GRID2: variants seen among roughly 807,000 people sequenced by gnomAD.
GRID2 encodes glutamate receptor ionotropic, delta-2.
A neutral mutation model predicts 114.8 loss-of-function variants in GRID2; 33 were observed. That is an observed-to-expected ratio of 0.29 (90% CI 0.22 to 0.38). GRID2 has a LOEUF of 0.38. GRID2 is among the 10% of genes least tolerant of loss of function. The pLI, the probability that GRID2 is intolerant of heterozygous loss-of-function variation, is 1.00. For missense variants in GRID2, 1,184 were observed against 1,257.7 expected (o/e 0.94, Z 0.89); for synonymous variants, 505 against 449.9 (o/e 1.12, Z -1.55).
At chr4:92,946,509 T>C (rs1751642479) in intron 2 of GRID2, among the ~76,000 whole-genome samples, 1 of 152,136 alleles carries the variant, frequency 6.6e-6, no homozygotes, top group Non-Finnish European at 1.5e-5. Context: ...AAAATTATAT[T>C]AATAACTTTT....
chr4:93,064,974 T>C (rs530560998), intron 2 of GRID2, among the ~76,000 whole-genome samples: 1 of 152,008 alleles, frequency 6.6e-6, no homozygotes, highest in East Asian at 1.9e-4. Flanking sequence ...TAAATGGAAA[T>C]GATACTCTTC....
At chr4:93,059,005 C>G (rs1727528203) in intron 2 of GRID2, among the ~76,000 whole-genome samples, 1 of 152,008 alleles carries the variant, frequency 6.6e-6, no homozygotes, top group Admixed American at 6.6e-5. Context: ...CACTTGATCA[C>G]ATAGTAGAAA....
intron 1 of GRID2, among the ~76,000 whole-genome samples, chr4:92,431,990 A>T: frequency 6.6e-6 from 1 of 152,230 alleles, no homozygotes; most frequent in East Asian, 1.9e-4. Context: ...ACTCTTGCAC[A>T]CTTGTAGAGA....
rs567052236 is a variant in GRID2, at chr4:92,475,741, A to C, written c.89-114390A>C. Among the ~76,000 whole-genome samples the C allele has an allele frequency of 3.2e-4, 49 of 152,018 alleles. 1 individual carries two copies. In the South Asian group the frequency reaches 6.0e-3, roughly 19 times the overall value. On this transcript the variant is annotated intron_variant, in intron 1 of 15. Transcript: ENST00000282020. ...GGGGGCGTTCATAGGCATTGCATTG[A>C]ATTTTTATATCACTTTGGGTATTAT...
intron 1 of GRID2, among the ~76,000 whole-genome samples, chr4:92,470,350 T>TC (rs1160673387): frequency 9.5e-6 from 1 of 104,754 alleles, no homozygotes; most frequent in Admixed American, 8.5e-5. Flanking sequence ...CACAAACATG[T>TC]TTTTTTTTAA....
intron 3 of GRID2, among the ~76,000 whole-genome samples, chr4:93,102,950 CAA>C (rs1731841373): frequency 6.6e-6 from 1 of 151,782 alleles, no homozygotes; most frequent in African/African-American, 2.4e-5. Flanking sequence ...TACATATCAT[CAA>C]AGCACCCTGA....
intron 1 of GRID2, among the ~76,000 whole-genome samples, chr4:92,326,329 G>T (rs1411883356): frequency 6.6e-6 from 1 of 151,770 alleles, no homozygotes; most frequent in Admixed American, 6.6e-5. Flanking sequence ...AATGAAAAAT[G>T]ACTTTTATTG....
chr4:93,117,647 C>T (rs543172947), intron 4 of GRID2, among the ~76,000 whole-genome samples: 1 of 152,094 alleles, frequency 6.6e-6, no homozygotes, highest in South Asian at 2.1e-4. Context: ...TATTTAGTGC[C>T]TTTTTCAATT....
intron 2 of GRID2, among the ~76,000 whole-genome samples, chr4:92,737,346 G>A (rs1249228430): frequency 6.6e-6 from 1 of 152,100 alleles, no homozygotes; most frequent in East Asian, 1.9e-4. Flanking sequence ...TTATGATTAT[G>A]TGTATGCGAT....
chr4:92,758,746 T>A (rs1054978229), intron 2 of GRID2, among the ~76,000 whole-genome samples: 1 of 152,156 alleles, frequency 6.6e-6, no homozygotes, highest in Admixed American at 6.5e-5. Flanking sequence ...GGGGGTTTGT[T>A]TGTTTGTTTT....
In GRID2 at chr4:93,412,261, A is replaced by T. The variant is rs1460581889; in HGVS notation, c.1348-10510A>T. On this transcript the variant is annotated intron_variant, in intron 9 of 15. Coordinates refer to ENST00000282020, the MANE Select transcript of GRID2 (RefSeq NM_001510.4). ...CCCCCAAAAAAAAATACCAGGCATA[A>T]CAGTGTGTGCCTGTATTCCCAGCTA... Among the ~76,000 whole-genome samples the T allele has an allele frequency of 2.7e-5, 4 of 145,702 alleles. No individual in the cohort carries two copies. The East Asian group carries it at 9.0e-4, about 33-fold the overall frequency.
At chr4:92,926,634 C>A (rs1246334469) in intron 2 of GRID2, among the ~76,000 whole-genome samples, 1 of 151,656 alleles carries the variant, frequency 6.6e-6, no homozygotes, top group African/African-American at 2.4e-5. Context: ...GGTAAAATAG[C>A]GTTATTTACA....
chr4:93,189,948 C>A (rs1424037853), intron 4 of GRID2, among the ~76,000 whole-genome samples: 1 of 151,968 alleles, frequency 6.6e-6, no homozygotes, highest in Non-Finnish European at 1.5e-5. Context: ...TCCCTTTGAA[C>A]TCTGAGAATG....
At chr4:92,946,727 C>T (rs1751663007) in intron 2 of GRID2, among the ~76,000 whole-genome samples, 1 of 152,174 alleles carries the variant, frequency 6.6e-6, no homozygotes, top group Non-Finnish European at 1.5e-5. Flanking sequence ...ACTTTCTGTA[C>T]CTTACAGTTA....
At chr4:92,542,826 TAGTA>T (rs566076373) in intron 1 of GRID2, among the ~76,000 whole-genome samples, 7 of 152,238 alleles carry the variant, frequency 4.6e-5, no homozygotes, top group Non-Finnish European at 7.4e-5. Flanking sequence ...ATTAAATTAT[TAGTA>T]AGTAAACAAT....
intron 2 of GRID2, among the ~76,000 whole-genome samples, chr4:92,976,637 A>G (rs1190309905): frequency 2.6e-5 from 4 of 152,124 alleles, no homozygotes; most frequent in South Asian, 2.1e-4. Flanking sequence ...GCAATTTAGT[A>G]TCACCAAAGC....
chr4:93,303,540 G>A (rs1298224786), intron 8 of GRID2, among the ~76,000 whole-genome samples: 3 of 152,190 alleles, frequency 2.0e-5, no homozygotes, highest in South Asian at 2.1e-4. Flanking sequence ...CTAGCATTGA[G>A]TAATATCAGG....
chr4:92,492,129 T>C (rs1456625975), intron 1 of GRID2, among the ~76,000 whole-genome samples: 1 of 152,202 alleles, frequency 6.6e-6, no homozygotes, highest in Non-Finnish European at 1.5e-5. Context: ...GTATTTTAAA[T>C]GTGGAAGATT....
At chr4:93,451,112 T>C (rs1722645326) in intron 10 of GRID2, among the ~76,000 whole-genome samples, 1 of 152,094 alleles carries the variant, frequency 6.6e-6, no homozygotes. Flanking sequence ...TCATAGCAAG[T>C]ATTTATTGAC....
Sources: gnomAD v4.1 joint callset for allele counts (sites outside exome capture counted in the v4.1 genomes callset) on GRCh38, gnomAD v4.1.1 for gene constraint, MANE v1.5 for transcripts, NCBI Gene and HGNC (gene_info 2026-07-23, HGNC 2026-07-21) for gene names.